The following LRP1B variants were observed in gnomAD, a reference collection of about 807,000 sequenced individuals.
LRP1B encodes the protein LDL receptor related protein 1B, also known as low-density lipoprotein receptor-related protein 1B.
Under a neutral mutation model 556.6 loss-of-function variants are expected in LRP1B, and 217 were observed. That is an observed-to-expected ratio of 0.39 (90% CI 0.35 to 0.44). LRP1B has a LOEUF of 0.44. Among genes scored for constraint, LRP1B ranks in the 20% least tolerant of loss-of-function variants. LRP1B has a pLI of 1.00. For missense variants in LRP1B, 5,053 were observed against 5,620.8 expected, an observed-to-expected ratio of 0.90 and a Z score of 3.23; for synonymous variants, 2,047 against 1,865.8, an observed-to-expected ratio of 1.10 and a Z score of -2.50.
At chr2:140,836,043 T>C (rs1475158005) in intron 31 of LRP1B, among the ~76,000 whole-genome samples, 4 of 152,186 alleles carry the variant, frequency 2.6e-5, no homozygotes, top group African/African-American at 7.2e-5. Context: ...TATGTACATA[T>C]CATACTTTAG....
intron 1 of LRP1B, among the ~76,000 whole-genome samples, chr2:142,022,789 G>T (rs1174189541): frequency 6.6e-6 from 1 of 152,162 alleles, no homozygotes; most frequent in African/African-American, 2.4e-5. Flanking sequence ...TCCTGCCTCA[G>T]CTTCCTGAGT....
At chr2:140,835,682 C>T (rs533304296) in intron 31 of LRP1B, among the ~76,000 whole-genome samples, 5 of 152,106 alleles carry the variant, frequency 3.3e-5, no homozygotes, top group African/African-American at 9.6e-5. Flanking sequence ...GGATTACAGG[C>T]GCTCGCCACC....
At chr2:140,258,085 A>G (rs1040981070) in intron 86 of LRP1B, among the ~76,000 whole-genome samples, 3 of 152,256 alleles carry the variant, frequency 2.0e-5, no homozygotes, top group Admixed American at 6.5e-5. Flanking sequence ...AGAACTCATT[A>G]TCTTCCTCCC....
intron 86 of LRP1B, among the ~76,000 whole-genome samples, chr2:140,262,662 A>C (rs1681999632): frequency 6.6e-6 from 1 of 152,146 alleles, no homozygotes; most frequent in Non-Finnish European, 1.5e-5. Context: ...CAGAATAATA[A>C]ATGTAAATAT....
In LRP1B at chr2:141,335,438, G is replaced by A. The variant is rs563740196; in HGVS notation, c.344-80797C>T. Among the ~76,000 whole-genome samples the A allele has an allele frequency of 3.3e-5, 5 of 152,288 alleles. No individual in the cohort carries two copies. In the East Asian group the frequency reaches 9.6e-4, roughly 29 times the overall value. ...AATTGGTGTTTATTATGGCAGAGAA[G>A]GCTGAAATAGAGTAGTTTAGGGTCA... On this transcript the variant is annotated intron_variant, in intron 3 of 90. Transcript: ENST00000389484.
intron 3 of LRP1B, among the ~76,000 whole-genome samples, chr2:141,370,175 T>C (rs1240845657): frequency 2.0e-5 from 3 of 152,160 alleles, no homozygotes; most frequent in African/African-American, 7.2e-5. Flanking sequence ...TACTCAGTAG[T>C]GGGACTGCTG....
At chr2:141,135,483 G>A (rs1445236592) in intron 7 of LRP1B, among the ~76,000 whole-genome samples, 1 of 151,904 alleles carries the variant, frequency 6.6e-6, no homozygotes, top group African/African-American at 2.4e-5. Context: ...TTGTCATAGG[G>A]ACAAACAAAT....
chr2:141,653,541 A>G (rs1057328878), intron 2 of LRP1B, among the ~76,000 whole-genome samples: 3 of 152,244 alleles, frequency 2.0e-5, no homozygotes, highest in Non-Finnish European at 1.5e-5. Flanking sequence ...AGTTAGATGT[A>G]TCAATTCTTA....
At chr2:141,791,445 T>C (rs1258348871) in intron 2 of LRP1B, among the ~76,000 whole-genome samples, 1 of 152,074 alleles carries the variant, frequency 6.6e-6, no homozygotes, top group Non-Finnish European at 1.5e-5. Context: ...TTTTTCTTAC[T>C]ATTTTGTTCA....
intron 3 of LRP1B, among the ~76,000 whole-genome samples, chr2:141,459,962 T>C (rs1179869880): frequency 6.6e-6 from 1 of 152,194 alleles, no homozygotes. Context: ...GATGAAGATT[T>C]GTGTCACCAT....
At chr2:140,249,256 A>C (rs1451353606) in intron 86 of LRP1B, among the ~76,000 whole-genome samples, 1 of 151,700 alleles carries the variant, frequency 6.6e-6, no homozygotes, top group Non-Finnish European at 1.5e-5. Flanking sequence ...ATAATTTATA[A>C]AGTAATTATA....
intron 37 of LRP1B, among the ~76,000 whole-genome samples, chr2:140,705,023 G>T (rs1390921172): frequency 6.6e-6 from 1 of 152,026 alleles, no homozygotes; most frequent in African/African-American, 2.4e-5. Context: ...TTATGACTAG[G>T]AAGTAAATGA....
chr2:141,724,659 A>G (rs1486025297), intron 2 of LRP1B, among the ~76,000 whole-genome samples: 1 of 151,846 alleles, frequency 6.6e-6, no homozygotes, highest in African/African-American at 2.4e-5. Flanking sequence ...GGGAAAATTG[A>G]CTATCAGTGT....
chr2:141,027,344 T>C (rs1430856084), intron 11 of LRP1B, among the ~76,000 whole-genome samples: 1 of 152,116 alleles, frequency 6.6e-6, no homozygotes, highest in Non-Finnish European at 1.5e-5. Context: ...GTTCTCTCCA[T>C]ATTAGGATTA....
intron 31 of LRP1B, among the ~76,000 whole-genome samples, chr2:140,839,729 T>C (rs1692039145): frequency 6.6e-6 from 1 of 152,170 alleles, no homozygotes; most frequent in Non-Finnish European, 1.5e-5. Context: ...ATTGTGGGAC[T>C]TCACCTTGTG....
At chr2:140,739,476 G>A (rs985170407) in intron 35 of LRP1B, among the ~76,000 whole-genome samples, 2 of 152,048 alleles carry the variant, frequency 1.3e-5, no homozygotes, top group African/African-American at 4.8e-5. Context: ...AAATTCAGAG[G>A]TTGTACATAG....
chr2:141,125,696 C>CCA (rs1183882486), intron 7 of LRP1B, among the ~76,000 whole-genome samples: 4 of 152,000 alleles, frequency 2.6e-5, no homozygotes, highest in Non-Finnish European at 5.9e-5. Context: ...GAAACGGCTC[C>CCA]CAGCACATAA....
intron 2 of LRP1B, among the ~76,000 whole-genome samples, chr2:141,482,030 T>C (rs4414624): frequency 0.96 from 145,786 of 152,124 alleles, 70,173 homozygotes; most frequent in East Asian, 1. Flanking sequence ...CCCTACTTAG[T>C]TGAGGTAAAA....
At chr2:141,422,974 T>C (rs1215994572) in intron 3 of LRP1B, among the ~76,000 whole-genome samples, 2 of 152,202 alleles carry the variant, frequency 1.3e-5, no homozygotes, top group African/African-American at 4.8e-5. Flanking sequence ...AAAAAGTCAG[T>C]TGAAAGTCAG....
Sources: gnomAD v4.1 joint callset for allele counts (sites outside exome capture counted in the v4.1 genomes callset) on GRCh38, gnomAD v4.1.1 for gene constraint, MANE v1.5 for transcripts, NCBI Gene and HGNC (gene_info 2026-07-23, HGNC 2026-07-21) for gene names.